Variants in RPS6KA6 observed in about 807,000 individuals in gnomAD.
The protein encoded by RPS6KA6 is ribosomal protein S6 kinase A6.
RPS6KA6 carries 27 observed loss-of-function variants against 65.4 expected under a neutral mutation model. The observed-to-expected ratio is 0.41, with a 90% CI of 0.30 to 0.57. The LOEUF is 0.57. Among genes scored for constraint, RPS6KA6 ranks in the 20% least tolerant of loss-of-function variants. The probability of loss-of-function intolerance (pLI) is 0.24; values close to 1 mark genes in which losing one functional copy is unlikely to be tolerated. For missense variants in RPS6KA6, 486 were observed against 555.6 expected, an observed-to-expected ratio of 0.87 and a Z score of 1.26; for synonymous variants, 190 against 184.2, an observed-to-expected ratio of 1.03 and a Z score of -0.26.
At chrX:84,144,811 G>A (rs2035171411) in intron 6 of RPS6KA6, among the ~76,000 whole-genome samples, 1 of 110,720 alleles carries the variant, frequency 9.0e-6, no homozygotes, top group Non-Finnish European at 1.9e-5. Flanking sequence ...AAATCATGAT[G>A]TATCCATACA....
chrX:84,183,350 T>C (rs1445762244), intron 1 of RPS6KA6, among the ~76,000 whole-genome samples: 3 of 111,774 alleles, frequency 2.7e-5, no homozygotes, highest in Non-Finnish European at 5.6e-5. Context: ...ACCCCTTCTG[T>C]ACTAGTTCAA....
At chrX:84,158,314 CCCATTGTACA>C (rs1428703491) in intron 2 of RPS6KA6, among the ~76,000 whole-genome samples, 1 of 110,661 alleles carries the variant, frequency 9.0e-6, no homozygotes, top group Non-Finnish European at 1.9e-5. Flanking sequence ...ATGAAAACAT[CCCATTGTACA>C]CCTTAAATAT....
chrX:84,136,913 A>T (rs1420075072), intron 6 of RPS6KA6, among the ~76,000 whole-genome samples: 1 of 111,514 alleles, frequency 9.0e-6, no homozygotes, highest in African/African-American at 3.3e-5. Context: ...CAAGACATGA[A>T]CTCAGGGATA....
intron 18 of RPS6KA6, among the ~76,000 whole-genome samples, chrX:84,101,363 T>A (rs1160046834): frequency 9.0e-6 from 1 of 110,920 alleles, no homozygotes; most frequent in Admixed American, 9.7e-5. Flanking sequence ...AGAATGAATG[T>A]TACAGCTTCC....
chrX:84,156,774 G>A (rs1373676082), intron 2 of RPS6KA6, among the ~76,000 whole-genome samples: 1 of 111,413 alleles, frequency 9.0e-6, no homozygotes, highest in Non-Finnish European at 1.9e-5. Flanking sequence ...CCTGGGTGAA[G>A]CAGAAAGAAA....
intron 20 of RPS6KA6, among the ~76,000 whole-genome samples, chrX:84,077,366 T>C (rs866502578): frequency 1.8e-5 from 2 of 111,486 alleles, no homozygotes; most frequent in South Asian, 3.7e-4. Context: ...CAAAATTTAA[T>C]TATAAAGCAA....
chrX:84,072,110 CACA>C (rs1444548168), intron 20 of RPS6KA6, among the ~76,000 whole-genome samples: 1 of 111,528 alleles, frequency 9.0e-6, no homozygotes, highest in African/African-American at 3.3e-5. Context: ...CAGACAAGAA[CACA>C]ACAACAAAAA....
intron 8 of RPS6KA6, among the ~76,000 whole-genome samples, chrX:84,122,193 C>T (rs1382793862): frequency 9.0e-6 from 1 of 110,566 alleles, no homozygotes; most frequent in Non-Finnish European, 1.9e-5. Flanking sequence ...CCCCATGCCC[C>T]AGCAGCAGCC....
chrX:84,141,741 G>C (rs185043488), intron 6 of RPS6KA6, among the ~76,000 whole-genome samples: 47 of 111,224 alleles, frequency 4.2e-4, no homozygotes, highest in African/African-American at 1.5e-3. Context: ...TATCAAATAA[G>C]ATTTTGAAGA....
At chrX:84,076,372 C>G (rs2147346219) in intron 20 of RPS6KA6, among the ~76,000 whole-genome samples, 1 of 111,620 alleles carries the variant, frequency 9.0e-6, no homozygotes, top group Non-Finnish European at 1.9e-5. Context: ...ATAGTACATC[C>G]ACATCCCTCA....
chrX:84,078,968 TA>T (rs944173511), intron 20 of RPS6KA6, among the ~76,000 whole-genome samples: 10 of 109,720 alleles, frequency 9.1e-5, no homozygotes, highest in African/African-American at 1.3e-4. Flanking sequence ...TATAGTTGCT[TA>T]AAAAAAAATA....
intron 8 of RPS6KA6, among the ~76,000 whole-genome samples, chrX:84,126,869 G>C (rs187200330): frequency 7.6e-4 from 83 of 109,278 alleles, no homozygotes; most frequent in Non-Finnish European, 1.2e-3. Context: ...GAAATTTATA[G>C]CTGAAAGTGC....
At chrX:84,166,587 GA>G (rs1292547555) in intron 1 of RPS6KA6, among the ~76,000 whole-genome samples, 1 of 111,151 alleles carries the variant, frequency 9.0e-6, no homozygotes, top group African/African-American at 3.3e-5. Context: ...GAGCCTCAGA[GA>G]CATATGAAAC....
At chrX:84,124,421 G>A (rs1370285070) in intron 8 of RPS6KA6, among the ~76,000 whole-genome samples, 1 of 111,404 alleles carries the variant, frequency 9.0e-6, no homozygotes, top group Non-Finnish European at 1.9e-5. Context: ...CGAAGAGAAG[G>A]AATTTATAAT....
chrX:84,125,678 C>A lies in RPS6KA6; in HGVS notation c.647-5651G>T, dbSNP rs941399243. ...GACCATCCTGGCTAACACGGTGAAA[C>A]CTGTCTCTACTAAAAATACCAAAAA... On this transcript the variant is annotated intron_variant, in intron 8 of 21. Transcript: ENST00000262752. 6.3e-5 allele frequency among the ~76,000 whole-genome samples: 7 copies of A among 110,637 alleles called. No homozygotes were observed. The South Asian group carries it at 2.3e-3, about 37-fold the overall frequency.
intron 20 of RPS6KA6, among the ~76,000 whole-genome samples, chrX:84,069,304 G>A (rs761722921): frequency 9.0e-6 from 1 of 111,627 alleles, no homozygotes; most frequent in Non-Finnish European, 1.9e-5. Flanking sequence ...ACACAAACAA[G>A]CAATGGGGAA....
chrX:84,065,072 G>A lies in RPS6KA6; in HGVS notation c.2011C>T (p.Arg671Trp). 1 of 1,200,435 alleles carries A rather than the reference G, an allele frequency of 8.3e-7. No individual in the cohort carries two copies. Among genetic ancestry groups the A allele is most frequent in the Non-Finnish European group, 1.1e-6 (1 of 887,913 alleles). ...TTTAATATTTGTTCAGCAGTATACCGCTGATGTGGGTCCATATGAAGCATA... is the reference window on the plus strand; with the variant it reads ...TTTAATATTTGTTCAGCAGTATACCACTGATGTGGGTCCATATGAAGCATA... ...SHMLHMDPHQRYTAEQILKHS... is the reference protein window; with the variant it reads ...SHMLHMDPHQWYTAEQILKHS... The change falls in exon 21 of 22, where the codon CGG (arginine) becomes TGG (tryptophan). Residue 671 changes from arginine to tryptophan, a missense_variant. By Grantham distance (101) the Arg-to-Trp change is moderately radical (BLOSUM62 -3). Around this residue, in one of 3 missense-constraint regions of RPS6KA6, gnomAD observed 345 missense variants for 375.0 expected, o/e 0.92. Transcript: ENST00000262752.
Position 84,088,089 on chromosome X carries a change from A to G in RPS6KA6, c.1971+8105T>C, listed in dbSNP as rs1339284259. Among the ~76,000 whole-genome samples, 3 of 111,706 alleles carry G rather than the reference A, an allele frequency of 2.7e-5. No homozygotes were observed. In the Admixed American group the frequency reaches 2.9e-4, roughly 11 times the overall value. On this transcript the variant is annotated intron_variant, in intron 20 of 21. Transcript: ENST00000262752. ...TTATCATGATTCATAGCTTCTTTGC[A>G]TTGGGTTACAACATGCTCCTGTAGC...
intron 20 of RPS6KA6, among the ~76,000 whole-genome samples, chrX:84,092,930 T>TA (rs976615154): frequency 1.8e-5 from 2 of 111,929 alleles, no homozygotes; most frequent in African/African-American, 6.5e-5. Context: ...GGAATCAACC[T>TA]AAGTGTCTAT....
Sources: gnomAD v4.1 joint callset for allele counts (sites outside exome capture counted in the v4.1 genomes callset) on GRCh38, gnomAD v4.1.1 for gene constraint, gnomAD v4.1.1 regional missense constraint, MANE v1.5 for transcripts, NCBI Gene and HGNC (gene_info 2026-07-23, HGNC 2026-07-21) for gene names.